DACH2: variants seen among roughly 807,000 people sequenced by gnomAD.
DACH2 encodes the protein dachshund homolog 2.
A neutral mutation model predicts 35.8 loss-of-function variants in DACH2; 17 were observed. The ratio of observed to expected loss-of-function variants is 0.48; its 90% CI spans 0.33 to 0.71. The LOEUF is 0.71. Ranked by LOEUF, DACH2 falls within the 30% of genes least tolerant of loss-of-function variation. The probability of loss-of-function intolerance (pLI) is 0.02; values close to 1 mark genes in which losing one functional copy is unlikely to be tolerated. For synonymous variants in DACH2, 195 were observed against 177.3 expected, an observed-to-expected ratio of 1.10 and a Z score of -0.79; for missense variants, 469 against 472.7, an observed-to-expected ratio of 0.99 and a Z score of 0.07.
intron 1 of DACH2, among the ~76,000 whole-genome samples, chrX:86,307,671 C>A (rs190466685): frequency 9.0e-6 from 1 of 111,083 alleles, no homozygotes; most frequent in African/African-American, 3.3e-5. Flanking sequence ...CAGAAGCCAC[C>A]CCCAACACCT....
At chrX:86,307,565 C>A in intron 1 of DACH2, among the ~76,000 whole-genome samples, 1 of 111,418 alleles carries the variant, frequency 9.0e-6, no homozygotes, top group East Asian at 2.8e-4. Flanking sequence ...ATCAGCCTTT[C>A]CACCTTTGTC....
chrX:86,749,810 T>C (rs2041752698), intron 7 of DACH2, among the ~76,000 whole-genome samples: 1 of 111,551 alleles, frequency 9.0e-6, no homozygotes, highest in African/African-American at 3.3e-5. Flanking sequence ...AGGGTATGCC[T>C]GTATTTTGTT....
At chrX:86,274,079 A>G (rs1194142125) in intron 1 of DACH2, among the ~76,000 whole-genome samples, 1 of 111,794 alleles carries the variant, frequency 8.9e-6, no homozygotes, top group Non-Finnish European at 1.9e-5. Context: ...ATAAATATAT[A>G]TTGACTGAGG....
intron 3 of DACH2, among the ~76,000 whole-genome samples, chrX:86,591,656 G>T (rs754441065): frequency 9.3e-6 from 1 of 107,786 alleles, no homozygotes; most frequent in African/African-American, 3.4e-5. Flanking sequence ...TTCTGCCTCA[G>T]CCTCCCGAGT....
At chrX:86,668,409 G>A (rs1941094989) in intron 4 of DACH2, among the ~76,000 whole-genome samples, 1 of 112,083 alleles carries the variant, frequency 8.9e-6, no homozygotes, top group Non-Finnish European at 1.9e-5. Context: ...TCTGATCTTT[G>A]ACAAATTTAT....
chrX:86,309,119 G>T, intron 1 of DACH2, among the ~76,000 whole-genome samples: 1 of 112,187 alleles, frequency 8.9e-6, no homozygotes, highest in Middle Eastern at 4.6e-3. Context: ...TGGAGGGATT[G>T]CAGAGATTAG....
intron 1 of DACH2, among the ~76,000 whole-genome samples, chrX:86,348,891 G>A (rs1223867485): frequency 8.9e-6 from 1 of 112,457 alleles, no homozygotes; most frequent in East Asian, 2.8e-4. Flanking sequence ...GCAGGCAGAC[G>A]GGCAGGTTGT....
chrX:86,445,608 CTTAA>C (rs1267383792), intron 2 of DACH2, among the ~76,000 whole-genome samples: 3 of 78,303 alleles, frequency 3.8e-5, no homozygotes, highest in African/African-American at 1.4e-4. Flanking sequence ...CATCAAATTT[CTTAA>C]TTAAACTTTT....
chrX:86,650,938 T>G (rs992406706), intron 3 of DACH2, 98 bp from the exon 4 acceptor site: 5 of 763,740 alleles, frequency 6.5e-6, no homozygotes, highest in Non-Finnish European at 9.1e-6. Context: ...ATGCAATATT[T>G]TCATGTGAAA....
intron 6 of DACH2, among the ~76,000 whole-genome samples, chrX:86,715,092 TATAAC>T (rs1163844813): frequency 4.5e-5 from 5 of 111,287 alleles, no homozygotes; most frequent in Non-Finnish European, 9.4e-5. Context: ...TGAGGTATGA[TATAAC>T]ATACAGGACT....
intron 3 of DACH2, among the ~76,000 whole-genome samples, chrX:86,529,613 C>T (rs2038683884): frequency 9.1e-6 from 1 of 109,531 alleles, no homozygotes; most frequent in South Asian, 4.0e-4. Flanking sequence ...GCTGGGACTA[C>T]AGGCACCCGC....
intron 1 of DACH2, among the ~76,000 whole-genome samples, chrX:86,332,945 A>T (rs181913211): frequency 8.9e-6 from 1 of 112,099 alleles, no homozygotes; most frequent in Non-Finnish European, 1.9e-5. Context: ...TATCATTTTA[A>T]TCAAGCTTTC....
chrX:86,732,364 T>C (rs1347759681), intron 6 of DACH2, among the ~76,000 whole-genome samples: 1 of 112,281 alleles, frequency 8.9e-6, no homozygotes, highest in Non-Finnish European at 1.9e-5. Context: ...TTATATTGCT[T>C]TGTCCAAAAC....
rs975058621 is a variant in DACH2 at position 86,640,166 on chromosome X, C to T, written c.641-10870C>T. 2.7e-5 allele frequency among the ~76,000 whole-genome samples: 3 copies of T among 110,673 alleles called. No homozygotes were observed. The Admixed American group carries it at 2.9e-4, about 11-fold the overall frequency. ...TCCCATATCTCCTCATCTGGCAGGC[C>T]CTCCAGCCTGTGCTTCCAGCCACCC... On this transcript the variant is annotated intron_variant, in intron 3 of 11. Coordinates refer to ENST00000373125, the MANE Select transcript of DACH2 (RefSeq NM_053281.3).
intron 3 of DACH2, among the ~76,000 whole-genome samples, chrX:86,632,648 A>T (rs1426390451): frequency 9.0e-6 from 1 of 111,314 alleles, no homozygotes; most frequent in Admixed American, 9.6e-5. Context: ...TTCACTTCAG[A>T]GAATGAAGTT....
intron 3 of DACH2, among the ~76,000 whole-genome samples, chrX:86,561,915 A>G (rs1018896899): frequency 9.8e-6 from 1 of 101,716 alleles, no homozygotes; most frequent in Non-Finnish European, 2.0e-5. Flanking sequence ...AAAAAAAAAA[A>G]AAAAAGAGAA....
intron 1 of DACH2, among the ~76,000 whole-genome samples, chrX:86,324,768 G>T (rs1030078699): frequency 2.3e-4 from 25 of 107,926 alleles, no homozygotes; most frequent in Non-Finnish European, 4.6e-4. Context: ...TAGTAGAAAT[G>T]GGGTTTCACT....
chrX:86,407,628 C>CAA (rs764596757), intron 2 of DACH2, among the ~76,000 whole-genome samples: 110 of 112,068 alleles, frequency 9.8e-4, no homozygotes, highest in African/African-American at 3.5e-3. Flanking sequence ...AATCCATACC[C>CAA]AACCATACGG....
At position 86,695,136 on chromosome X, in the gene DACH2, T is replaced by G. The variant is rs1231883917; in HGVS notation, c.888T>G (p.Ala296=). The part of the protein sequence containing the change: ...ALAGQPGIGG[A]PTLNPLQQNH... ...CTGGCCAGCCAGGCATTGGGGGTGC[T>G]CCAACCCTCAATCCACTGCAGCAGA... The change falls in exon 5 of 12, where the codon GCT becomes GCG. Residue 296 remains alanine (A), a synonymous_variant. Coordinates refer to ENST00000373125, the MANE Select transcript of DACH2 (RefSeq NM_053281.3). 5 of 1,125,043 alleles carry G rather than the reference T, an allele frequency of 4.4e-6. No homozygotes were observed. Among genetic ancestry groups the G allele is most frequent in the African/African-American group, 1.8e-5 (1 of 54,648 alleles). 92.7% of individuals were successfully genotyped at this position (1,125,043 alleles called of 1,213,427 possible).
Sources: gnomAD v4.1 joint callset for allele counts (sites outside exome capture counted in the v4.1 genomes callset) on GRCh38, gnomAD v4.1.1 for gene constraint, MANE v1.5 for transcripts, NCBI Gene and HGNC (gene_info 2026-07-23, HGNC 2026-07-21) for gene names.